The following IFT88 variants were observed in gnomAD, a reference collection of about 807,000 sequenced individuals.
The protein encoded by IFT88 is intraflagellar transport protein 88 homolog.
Under a neutral mutation model 119.5 loss-of-function variants are expected in IFT88, and 74 were observed. The ratio of observed to expected loss-of-function variants is 0.62; its 90% CI spans 0.51 to 0.75. The LOEUF (loss-of-function observed/expected upper bound fraction) is 0.75. Among genes scored for constraint, IFT88 ranks in the 30% least tolerant of loss-of-function variants. The pLI is 0.00. For missense variants in IFT88, 961 were observed against 977.7 expected (o/e 0.98, Z 0.23); for synonymous variants, 279 against 316.7 (o/e 0.88, Z 1.26).
At position 20,601,914 on chromosome 13, in the gene IFT88, A is replaced by T. The variant is rs761002503; in HGVS notation, c.1022A>T (p.Asp341Val). Residue 341 changes from aspartate to valine, a missense_variant, in exon 12 of 26, where the codon GAT becomes GTT. By Grantham distance (152) the Asp-to-Val change is radical. Transcript: ENST00000351808. ...LITVPLEIDE[D>V]KYISPSDDPH... ...ACTGTTCCATTAGAAATTGATGAAG[A>T]TAAATATATTTCACCAAGTGTGAGT... 1.3e-6 allele frequency: 2 copies of T among 1,575,562 alleles called. No homozygotes were observed. Among genetic ancestry groups the T allele is most frequent in the Non-Finnish European group, 1.7e-6 (2 of 1,145,030 alleles).
intron 9 of IFT88, among the ~76,000 whole-genome samples, chr13:20,597,884 T>C (rs1055971008): frequency 3.3e-5 from 5 of 151,994 alleles, no homozygotes; most frequent in African/African-American, 9.7e-5. Flanking sequence ...GAGATTGTAA[T>C]GTAGACTTTT....
chr13:20,629,033 G>A (rs148766370), intron 15 of IFT88, among the ~76,000 whole-genome samples: 210 of 152,130 alleles, frequency 1.4e-3, no homozygotes, highest in African/African-American at 4.4e-3. Flanking sequence ...TTGCTTGTTA[G>A]CATTCTTTTT....
At chr13:20,569,034 T>C (rs2035625810) in intron 1 of IFT88, among the ~76,000 whole-genome samples, 1 of 152,120 alleles carries the variant, frequency 6.6e-6, no homozygotes, top group South Asian at 2.1e-4. Flanking sequence ...TAATAACCTT[T>C]TGAAGCTATT....
rs761224672 is a variant in IFT88, at chr13:20,625,768, A to G, written c.1218A>G (p.Lys406=). The G allele has an allele frequency of 5.6e-6, 9 of 1,604,108 alleles. No individual in the cohort carries two copies. The highest frequency in any genetic ancestry group is 7.6e-6 in the Non-Finnish European group (9 of 1,177,048). The change falls in exon 15 of 26, where the codon AAA becomes AAG. Residue 406 remains lysine (K), a synonymous_variant. Coordinates refer to ENST00000351808, the MANE Select transcript of IFT88 (RefSeq NM_006531.5). The part of the protein sequence containing the change: ...AGYDWCVEVV[K]ASQYVELAND... ...CTTATAGGTGCGTGGAAGTGGTGAA[A>G]GCTTCTCAATATGTAGAGCTAGCCA...
intron 24 of IFT88, among the ~76,000 whole-genome samples, chr13:20,674,724 A>ATATTT (rs1263602871): frequency 9.5e-5 from 7 of 73,812 alleles, no homozygotes; most frequent in East Asian, 9.2e-4. Context: ...ATATATATAT[A>ATATTT]TTTTTTTTTT....
intron 18 of IFT88, chr13:20,641,884 C>A (rs2140304869): frequency 6.5e-6 from 1 of 153,200 alleles, no homozygotes; most frequent in South Asian, 2.1e-4. Flanking sequence ...TTATGTAATT[C>A]TTCATATGAA....
intron 23 of IFT88, among the ~76,000 whole-genome samples, chr13:20,666,151 A>G (rs1203287065): frequency 6.6e-6 from 1 of 152,194 alleles, no homozygotes; most frequent in African/African-American, 2.4e-5. Context: ...TTTTCCTGAC[A>G]TGACCATTGG....
chr13:20,612,035 A>G (rs2044645391), intron 13 of IFT88: 1 of 152,210 alleles, frequency 6.6e-6, no homozygotes, highest in Non-Finnish European at 1.5e-5. Flanking sequence ...ATCTTTTTTC[A>G]GATGACATGA....
intron 20 of IFT88, among the ~76,000 whole-genome samples, chr13:20,650,816 A>G (rs932033538): frequency 6.6e-6 from 1 of 152,220 alleles, no homozygotes; most frequent in African/African-American, 2.4e-5. Context: ...ATGTATTTGC[A>G]ATGAAAAATC....
intron 4 of IFT88, among the ~76,000 whole-genome samples, chr13:20,590,114 C>T (rs1286177682): frequency 6.6e-6 from 1 of 152,026 alleles, no homozygotes; most frequent in East Asian, 1.9e-4. Context: ...CGTTGACGTC[C>T]TTTCATTTTC....
intron 12 of IFT88, among the ~76,000 whole-genome samples, chr13:20,604,689 T>C (rs2043127524): frequency 6.6e-6 from 1 of 152,250 alleles, no homozygotes; most frequent in Non-Finnish European, 1.5e-5. Context: ...ACATGATGGC[T>C]TATGCCTATA....
At chr13:20,613,455 G>A (rs2044982552) in intron 13 of IFT88, among the ~76,000 whole-genome samples, 2 of 152,040 alleles carry the variant, frequency 1.3e-5, no homozygotes, top group African/African-American at 2.4e-5. Flanking sequence ...AGAGTGTGGA[G>A]AAATTGGAAC....
chr13:20,667,573 A>AT (rs1294393744), intron 23 of IFT88, among the ~76,000 whole-genome samples: 1 of 148,290 alleles, frequency 6.7e-6, no homozygotes. Flanking sequence ...CATTCATTTC[A>AT]TTTTCACAGT....
intron 22 of IFT88, among the ~76,000 whole-genome samples, 179 bp downstream of exon 22, chr13:20,656,609 G>A (rs954591709): frequency 1.8e-4 from 27 of 151,980 alleles, no homozygotes; most frequent in Non-Finnish European, 3.2e-4. Context: ...ATATTTTTAT[G>A]TAACTAATTG....
At chr13:20,637,089 A>G in intron 16 of IFT88, among the ~76,000 whole-genome samples, 1 of 152,216 alleles carries the variant, frequency 6.6e-6, no homozygotes. Context: ...AGTGTCCAGA[A>G]TAGGCAAGGA....
intron 22 of IFT88, chr13:20,663,118 T>C (rs1459655615): frequency 1.4e-5 from 6 of 439,096 alleles, no homozygotes; most frequent in Non-Finnish European, 2.2e-5. Flanking sequence ...ATGATTATTA[T>C]ATGTATAAAC....
At chr13:20,606,478 C>G (rs1428018539) in intron 13 of IFT88, among the ~76,000 whole-genome samples, 1 of 152,170 alleles carries the variant, frequency 6.6e-6, no homozygotes, top group Non-Finnish European at 1.5e-5. Flanking sequence ...CTGGCAGTGG[C>G]AAGGTGGAGT....
intron 2 of IFT88, among the ~76,000 whole-genome samples, chr13:20,576,023 C>T (rs1172616960): frequency 2.6e-5 from 4 of 152,208 alleles, no homozygotes; most frequent in African/African-American, 4.8e-5. Flanking sequence ...ACATTCTCAC[C>T]ACCATTTGTT....
At chr13:20,572,149 A>T (rs1383055290) in intron 1 of IFT88, among the ~76,000 whole-genome samples, 1 of 151,896 alleles carries the variant, frequency 6.6e-6, no homozygotes, top group Non-Finnish European at 1.5e-5. Context: ...CCTAGATTCC[A>T]CCATTAACCT....
Sources: gnomAD v4.1 joint callset for allele counts (sites outside exome capture counted in the v4.1 genomes callset) on GRCh38, gnomAD v4.1.1 for gene constraint, MANE v1.5 for transcripts, NCBI Gene and HGNC (gene_info 2026-07-23, HGNC 2026-07-21) for gene names.